PDK3: variants seen among roughly 807,000 people sequenced by gnomAD.
PDK3 encodes pyruvate dehydrogenase kinase, isozyme 3.
PDK3 carries 12 observed loss-of-function variants against 32.0 expected under a neutral mutation model. The ratio of observed to expected loss-of-function variants is 0.37; its 90% CI spans 0.24 to 0.61. PDK3 has a LOEUF of 0.61. Among genes scored for constraint, PDK3 ranks in the 20% least tolerant of loss-of-function variants. PDK3 has a pLI of 0.65. For missense variants in PDK3, 188 were observed against 316.9 expected, an observed-to-expected ratio of 0.59 and a Z score of 3.09; for synonymous variants, 122 against 116.3, an observed-to-expected ratio of 1.05 and a Z score of -0.31.
intron 1 of PDK3, among the ~76,000 whole-genome samples, chrX:24,468,554 G>C (rs771774477): frequency 8.9e-6 from 1 of 112,142 alleles, no homozygotes; most frequent in Non-Finnish European, 1.9e-5. Context: ...GGGGGTGCTG[G>C]GGGTGGAGAG....
At chrX:24,505,090 G>A in intron 4 of PDK3, 119 bp from the exon 5 acceptor site, 1 of 440,784 alleles carries the variant, frequency 2.3e-6, no homozygotes, top group Non-Finnish European at 3.9e-6. Flanking sequence ...TGCTGTGGAT[G>A]CTAAAATGAT....
At chrX:24,472,020 A>G (rs1413536733) in intron 1 of PDK3, among the ~76,000 whole-genome samples, 1 of 112,216 alleles carries the variant, frequency 8.9e-6, no homozygotes, top group Non-Finnish European at 1.9e-5. Context: ...AGTTTAACCT[A>G]TTTATACTTA....
At chrX:24,483,857 G>A (rs1921326982) in intron 1 of PDK3, among the ~76,000 whole-genome samples, 1 of 110,442 alleles carries the variant, frequency 9.1e-6, no homozygotes. Context: ...GGGACTACAG[G>A]TGCACACTGC....
At chrX:24,515,249 C>T (rs773513039) in intron 5 of PDK3, among the ~76,000 whole-genome samples, 2 of 112,111 alleles carry the variant, frequency 1.8e-5, no homozygotes, top group African/African-American at 3.2e-5. Flanking sequence ...TTAATTATAA[C>T]GTTGATACAC....
Position 24,518,843 on chromosome X carries a change from A to G in PDK3, c.596-90A>G, listed in dbSNP as rs1268753528. The G allele has an allele frequency of 1.9e-3, 152 of 80,082 alleles. 2 individuals carry two copies. Among genetic ancestry groups the G allele is most frequent in the Admixed American group, 0.014 (77 of 5,326 alleles). 6.6% of individuals were successfully genotyped at this position (80,082 alleles called of 1,213,427 possible). A position where few individuals can be genotyped will look rare whatever the true frequency, so the allele number is the denominator to read the frequency against. On this transcript the variant is annotated intron_variant, in intron 5 of 10. Transcript: ENST00000379162. ...GATATATACATGCACATGTGCACAC[A>G]CACACACACACACACACACACACAC...
intron 1 of PDK3, among the ~76,000 whole-genome samples, chrX:24,483,575 T>C (rs1921316306): frequency 1.8e-5 from 2 of 112,371 alleles, no homozygotes; most frequent in African/African-American, 6.5e-5. Flanking sequence ...TAAACAAATA[T>C]ATAGAATGAA....
At position 24,474,383 on chromosome X, in the gene PDK3, T is replaced by TTTTATTTATTTA. The variant is rs57520211; in HGVS notation, c.106+8858_106+8869dup. On this transcript the variant is annotated intron_variant, in intron 1 of 10. Coordinates refer to ENST00000379162, the MANE Select transcript of PDK3 (RefSeq NM_005391.5). The stretch of plus-strand genomic sequence containing the variant: ...TCATTTAGTCAGTTATATAAGTTTA[T>TTTTATTTATTTA]TTTATTTATTTATTTATTTATTTAT... Among the ~76,000 whole-genome samples the TTTTATTTATTTA allele has an allele frequency of 3.7e-3, 356 of 96,804 alleles. 1 individual carries two copies. Among genetic ancestry groups the TTTTATTTATTTA allele is most frequent in the Middle Eastern group, 0.015 (3 of 194 alleles). The allele number at this position is 96,804 out of a possible 115,157, so 84.1% of individuals were successfully genotyped here. A position where few individuals can be genotyped will look rare whatever the true frequency, so the allele number is the denominator to read the frequency against.
chrX:24,470,172 T>C (rs1920976489), intron 1 of PDK3, among the ~76,000 whole-genome samples: 1 of 112,163 alleles, frequency 8.9e-6, no homozygotes, highest in African/African-American at 3.2e-5. Flanking sequence ...AGATAAATTT[T>C]TGTTTTCAAA....
chrX:24,505,342 A>C (rs1164114377), intron 5 of PDK3, 44 bp downstream of exon 5: 10 of 983,969 alleles, frequency 1.0e-5, no homozygotes, highest in Non-Finnish European at 1.4e-5. Flanking sequence ...TTCAAATTGG[A>C]TTGTGGTTTA....
At chrX:24,505,911 C>T (rs377603079) in intron 5 of PDK3, among the ~76,000 whole-genome samples, 14 of 111,380 alleles carry the variant, frequency 1.3e-4, no homozygotes, top group East Asian at 1.1e-3. Flanking sequence ...CCACCAGGTA[C>T]CTCTTCAGTT....
intron 5 of PDK3, among the ~76,000 whole-genome samples, chrX:24,511,731 C>A (rs1354845467): frequency 9.1e-6 from 1 of 109,819 alleles, no homozygotes; most frequent in East Asian, 2.8e-4. Flanking sequence ...ACCTGTAATC[C>A]CAGCTACTCA....
chrX:24,536,481 A>ACTC (rs1397188028), downstream of PDK3, among the ~76,000 whole-genome samples: 1 of 111,607 alleles, frequency 9.0e-6, no homozygotes. Flanking sequence ...TAACTGTTTA[A>ACTC]CTCCTTCCTT....
At chrX:24,549,026 C>T (rs181085603) in exon 12 of PDK3, 1 of 111,983 alleles carries the variant, frequency 8.9e-6, no homozygotes, top group African/African-American at 3.2e-5. Context: ...TATATACTTA[C>T]AGGAAAAACC....
rs1922002362 is a variant in PDK3 at position 24,507,033 on chromosome X, A to G, written c.595+1735A>G. ...ACCATGTTGGCCAGGATGGTCTCGA[A>G]CTCCTGACCTTGTGATCCACCTGCC... On this transcript the variant is annotated intron_variant, in intron 5 of 10. Coordinates refer to ENST00000379162, the MANE Select transcript of PDK3 (RefSeq NM_005391.5). Among the ~76,000 whole-genome samples, 4 of 108,791 alleles carry G rather than the reference A, an allele frequency of 3.7e-5. No individual in the cohort carries two copies. The Admixed American group carries it at 3.9e-4, about 11-fold the overall frequency. 94.5% of individuals were successfully genotyped at this position (108,791 alleles called of 115,157 possible).
chrX:24,489,698 A>G (rs1183277866), intron 1 of PDK3, among the ~76,000 whole-genome samples: 3 of 109,293 alleles, frequency 2.7e-5, no homozygotes, highest in South Asian at 3.9e-4. Flanking sequence ...AAAAAAAAAA[A>G]AAAAGAAAAA....
intron 1 of PDK3, among the ~76,000 whole-genome samples, chrX:24,480,152 C>G (rs900686611): frequency 2.7e-5 from 3 of 111,492 alleles, no homozygotes; most frequent in Non-Finnish European, 5.6e-5. Flanking sequence ...GTTTCCTTCT[C>G]GAGTTTGTTT....
At chrX:24,477,357 T>C (rs1921137120) in intron 1 of PDK3, among the ~76,000 whole-genome samples, 1 of 112,022 alleles carries the variant, frequency 8.9e-6, no homozygotes, top group Non-Finnish European at 1.9e-5. Flanking sequence ...TCTGAAGTTT[T>C]TATCATTTGC....
At chrX:24,538,808 A>G (rs1246193070), downstream of PDK3, among the ~76,000 whole-genome samples, 1 of 111,338 alleles carries the variant, frequency 9.0e-6, no homozygotes, top group Non-Finnish European at 1.9e-5. Flanking sequence ...ATACAATTCC[A>G]TATTTTTTAG....
At chrX:24,495,328 A>G (rs1006929010) in intron 2 of PDK3, among the ~76,000 whole-genome samples, 4 of 112,556 alleles carry the variant, frequency 3.6e-5, no homozygotes, top group Admixed American at 2.8e-4. Context: ...GAAAAGTAGG[A>G]AAAATTTTGA....
Sources: allele counts gnomAD v4.1 joint callset (sites outside exome capture counted in the v4.1 genomes callset), GRCh38; gene constraint gnomAD v4.1.1; transcripts MANE v1.5; gene names NCBI Gene and HGNC (gene_info 2026-07-23, HGNC 2026-07-21).